Variants in GRIN2B observed in about 807,000 individuals in gnomAD.
The protein encoded by GRIN2B is glutamate ionotropic receptor NMDA type subunit 2B.
Under a neutral mutation model 114.5 loss-of-function variants are expected in GRIN2B, and 5 were observed. The ratio of observed to expected loss-of-function variants is 0.04; its 90% CI spans 0.02 to 0.09. GRIN2B has a LOEUF of 0.09. Ranked by LOEUF, GRIN2B falls within the 10% of genes least tolerant of loss-of-function variation. GRIN2B has a pLI of 1.00. For missense variants in GRIN2B, 1,108 were observed against 1,943.5 expected, an observed-to-expected ratio of 0.57 and a Z score of 8.08; for synonymous variants, 787 against 745.1, an observed-to-expected ratio of 1.06 and a Z score of -0.92.
intron 2 of GRIN2B, among the ~76,000 whole-genome samples, chr12:13,883,015 C>A (rs1056805291): frequency 1.3e-5 from 2 of 152,120 alleles, no homozygotes; most frequent in African/African-American, 4.8e-5. Flanking sequence ...TGCATGCAGC[C>A]TTTTGTGTCT....
At chr12:13,619,377 G>A (rs773232554) in intron 5 of GRIN2B, among the ~76,000 whole-genome samples, 11 of 152,130 alleles carry the variant, frequency 7.2e-5, no homozygotes, top group Non-Finnish European at 1.0e-4. Flanking sequence ...CTAGCATATG[G>A]GGTGAAGGGA....
rs562129625 is a variant in GRIN2B, at chr12:13,919,749, G to A, written c.-18-53523C>T. Among the ~76,000 whole-genome samples, 12 of 152,226 alleles carry A rather than the reference G, an allele frequency of 7.9e-5. No individual in the cohort carries two copies. The East Asian group carries it at 2.3e-3, about 29-fold the overall frequency. On this transcript the variant is annotated intron_variant, in intron 2 of 13. Coordinates refer to ENST00000609686, the MANE Select transcript of GRIN2B (RefSeq NM_000834.5). ...TCTTGCTTGAAAATTGGAAGCTGAT[G>A]CGGGGATCGTCTCCCTGGAAAGGGT...
intron 3 of GRIN2B, among the ~76,000 whole-genome samples, chr12:13,798,373 T>C (rs971248716): frequency 5.9e-5 from 9 of 152,170 alleles, no homozygotes; most frequent in Non-Finnish European, 1.2e-4. Context: ...ACAATCATAT[T>C]TGTAGTTAGA....
chr12:13,642,130 G>C (rs1949723139), intron 5 of GRIN2B, among the ~76,000 whole-genome samples: 1 of 152,092 alleles, frequency 6.6e-6, no homozygotes, highest in Non-Finnish European at 1.5e-5. Flanking sequence ...AGATGTTGCA[G>C]TGAGCCGAGA....
intron 5 of GRIN2B, among the ~76,000 whole-genome samples, chr12:13,652,366 A>G (rs1301453832): frequency 6.6e-6 from 1 of 151,946 alleles, no homozygotes; most frequent in Non-Finnish European, 1.5e-5. Flanking sequence ...TTAGTTTGGA[A>G]ACACCTAATC....
chr12:13,884,724 C>T (rs1866126598), intron 2 of GRIN2B, among the ~76,000 whole-genome samples: 2 of 152,074 alleles, frequency 1.3e-5, no homozygotes, highest in South Asian at 4.1e-4. Context: ...TAGGATATTA[C>T]CTGTAGGGTT....
At chr12:13,840,678 T>C (rs1186787049) in intron 3 of GRIN2B, among the ~76,000 whole-genome samples, 1 of 152,338 alleles carries the variant, frequency 6.6e-6, no homozygotes, top group East Asian at 1.9e-4. Flanking sequence ...CAGTTCCAGT[T>C]AGGTTACTTT....
At chr12:13,872,551 A>G (rs1286227301) in intron 2 of GRIN2B, among the ~76,000 whole-genome samples, 1 of 152,220 alleles carries the variant, frequency 6.6e-6, no homozygotes, top group Non-Finnish European at 1.5e-5. Flanking sequence ...TCTGAAATGC[A>G]AGAATGGCTT....
At chr12:13,673,109 C>T (rs1450313823) in intron 5 of GRIN2B, among the ~76,000 whole-genome samples, 3 of 152,128 alleles carry the variant, frequency 2.0e-5, no homozygotes, top group Non-Finnish European at 2.9e-5. Context: ...CTACCACAGA[C>T]GTATGGACAA....
intron 5 of GRIN2B, among the ~76,000 whole-genome samples, chr12:13,638,770 C>T (rs563511218): frequency 2.0e-5 from 3 of 152,178 alleles, no homozygotes; most frequent in African/African-American, 7.2e-5. Flanking sequence ...AGTCCTGTTA[C>T]CCAGAGAACT....
At chr12:13,633,476 A>G (rs960133213) in intron 5 of GRIN2B, among the ~76,000 whole-genome samples, 1 of 152,230 alleles carries the variant, frequency 6.6e-6, no homozygotes, top group Non-Finnish European at 1.5e-5. Flanking sequence ...CTGTGCCACT[A>G]AGGATAAAGG....
chr12:13,561,000 C>G lies in GRIN2B; in HGVS notation c.*1783G>C, dbSNP rs1948535757. The G allele has an allele frequency of 6.6e-6, 1 of 152,116 alleles. No individual in the cohort carries two copies. Among genetic ancestry groups the G allele is most frequent in the South Asian group, 2.1e-4 (1 of 4,818 alleles). 9.4% of individuals were successfully genotyped at this position (152,116 alleles called of 1,614,324 possible). ...CCTGCAGTCAAGCTTCCACACAGAC[C>G]TGGGGCTCTCTGGATGCCACCCTGT... On this transcript the variant is annotated 3_prime_UTR_variant, in exon 14 of 14. Transcript: ENST00000609686.
At chr12:13,741,518 T>C (rs565806213) in intron 4 of GRIN2B, among the ~76,000 whole-genome samples, 1 of 152,272 alleles carries the variant, frequency 6.6e-6, no homozygotes, top group African/African-American at 2.4e-5. Context: ...AGTCTTAATC[T>C]TTCTGGATCT....
intron 4 of GRIN2B, among the ~76,000 whole-genome samples, chr12:13,732,795 C>A (rs1863107085): frequency 6.6e-6 from 1 of 152,124 alleles, no homozygotes; most frequent in Admixed American, 6.5e-5. Context: ...ACAAAATCTT[C>A]AATAGGTAAT....
chr12:13,930,215 T>C (rs1867002016), intron 2 of GRIN2B, among the ~76,000 whole-genome samples: 1 of 152,092 alleles, frequency 6.6e-6, no homozygotes, highest in Non-Finnish European at 1.5e-5. Context: ...AAATAAATAA[T>C]ACAAGTTATT....
intron 3 of GRIN2B, among the ~76,000 whole-genome samples, chr12:13,765,460 G>A (rs1863764086): frequency 6.6e-6 from 1 of 152,186 alleles, no homozygotes; most frequent in Non-Finnish European, 1.5e-5. Context: ...TGGGTCTCAT[G>A]CTCTCCTTGG....
chr12:13,892,742 C>G (rs773165076), intron 2 of GRIN2B, among the ~76,000 whole-genome samples: 5 of 152,162 alleles, frequency 3.3e-5, no homozygotes, highest in Non-Finnish European at 5.9e-5. Context: ...AAACTACCAA[C>G]AAAAGTCCCA....
intron 3 of GRIN2B, among the ~76,000 whole-genome samples, chr12:13,845,429 T>C (rs1166140231): frequency 6.6e-6 from 1 of 152,198 alleles, no homozygotes; most frequent in Non-Finnish European, 1.5e-5. Flanking sequence ...TCCTCACCTC[T>C]AATCAGGAGA....
intron 4 of GRIN2B, among the ~76,000 whole-genome samples, chr12:13,703,541 C>T (rs929945305): frequency 6.6e-6 from 1 of 152,118 alleles, no homozygotes; most frequent in Non-Finnish European, 1.5e-5. Flanking sequence ...TTATACATAA[C>T]TGCTGTAATG....
Sources: gnomAD v4.1 joint callset for allele counts (sites outside exome capture counted in the v4.1 genomes callset) on GRCh38, gnomAD v4.1.1 for gene constraint, MANE v1.5 for transcripts, NCBI Gene and HGNC (gene_info 2026-07-23, HGNC 2026-07-21) for gene names.